ABCB1: variants seen among roughly 807,000 people sequenced by gnomAD.
ABCB1 encodes the protein ATP-dependent translocase ABCB1.
In ABCB1, 69 loss-of-function variants were observed where a neutral mutation model predicts 142.0. The ratio of observed to expected loss-of-function variants is 0.49; its 90% CI spans 0.40 to 0.59. ABCB1 has a LOEUF of 0.59. Ranked by LOEUF, ABCB1 falls within the 20% of genes least tolerant of loss-of-function variation. The pLI is 0.00. For missense variants in ABCB1, 1,326 were observed against 1,554.7 expected (o/e 0.85, Z 2.47); for synonymous variants, 532 against 539.2 (o/e 0.99, Z 0.18).
intron 2 of ABCB1, among the ~76,000 whole-genome samples, chr7:87,598,231 T>C (rs1394555429): frequency 2.0e-5 from 3 of 152,228 alleles, no homozygotes; most frequent in Admixed American, 2.0e-4. Flanking sequence ...TATTTTCATT[T>C]TTTACTGTTG....
intron 1 of ABCB1, chr7:87,629,108 G>A (rs1196895087): frequency 1.7e-6 from 1 of 595,958 alleles, no homozygotes; most frequent in Non-Finnish European, 2.5e-6. Flanking sequence ...TTGGACAGGG[G>A]CCCGGGTCTG....
At chr7:87,694,172 A>T (rs376297217) in intron 1 of ABCB1, 2 of 361,822 alleles carry the variant, frequency 5.5e-6, no homozygotes, top group East Asian at 1.6e-4. Context: ...GTAAATCCAC[A>T]CAATATAATA....
At chr7:87,573,630 C>T (rs1396006284) in intron 4 of ABCB1, among the ~76,000 whole-genome samples, 1 of 152,134 alleles carries the variant, frequency 6.6e-6, no homozygotes, top group Non-Finnish European at 1.5e-5. Context: ...TGATAACCTT[C>T]AATGACAGTC....
At chr7:87,574,827 A>G (rs1441058640) in intron 4 of ABCB1, among the ~76,000 whole-genome samples, 1 of 152,200 alleles carries the variant, frequency 6.6e-6, no homozygotes, top group Non-Finnish European at 1.5e-5. Flanking sequence ...TAGAAGTATG[A>G]CTATTTACAC....
chr7:87,679,835 A>G (rs1254126712), intron 1 of ABCB1, among the ~76,000 whole-genome samples: 2 of 150,776 alleles, frequency 1.3e-5, no homozygotes, highest in Non-Finnish European at 2.9e-5. Flanking sequence ...GAAATCATAT[A>G]AAGTATGTTC....
intron 18 of ABCB1, among the ~76,000 whole-genome samples, chr7:87,540,269 A>G (rs1816480668): frequency 6.6e-6 from 1 of 152,200 alleles, no homozygotes; most frequent in Admixed American, 6.5e-5. Flanking sequence ...GCACTTGGTC[A>G]CATGATCCTT....
At chr7:87,712,946 T>G (rs1315459643) in intron 1 of ABCB1, among the ~76,000 whole-genome samples, 1 of 152,144 alleles carries the variant, frequency 6.6e-6, no homozygotes, top group Non-Finnish European at 1.5e-5. Context: ...AGTAGGGAGT[T>G]ATTTCAAAGT....
intron 21 of ABCB1, among the ~76,000 whole-genome samples, chr7:87,527,979 G>A (rs546724463): frequency 2.5e-4 from 38 of 152,226 alleles, no homozygotes; most frequent in Admixed American, 7.9e-4. Flanking sequence ...CAATCATGGC[G>A]GAAGATGAAG....
intron 1 of ABCB1, among the ~76,000 whole-genome samples, chr7:87,701,018 A>G (rs561647362): frequency 2.0e-4 from 31 of 152,346 alleles, no homozygotes; most frequent in Middle Eastern, 6.8e-3. Context: ...TGCGGGAAAC[A>G]TTAATTCTTA....
intron 1 of ABCB1, among the ~76,000 whole-genome samples, chr7:87,684,772 AAGAAT>A (rs1161152828): frequency 1.6e-3 from 235 of 150,298 alleles, no homozygotes; most frequent in African/African-American, 5.3e-3. Context: ...AAAAAAAAAA[AAGAAT>A]AGAATAGAAT....
At chr7:87,589,402 TA>T (rs1584905633) in intron 3 of ABCB1, among the ~76,000 whole-genome samples, 1 of 152,258 alleles carries the variant, frequency 6.6e-6, no homozygotes, top group East Asian at 1.9e-4. Flanking sequence ...TTCACTCTCA[TA>T]AAGTCAAAAA....
At chr7:87,637,160 G>C (rs1351360806) in intron 1 of ABCB1, among the ~76,000 whole-genome samples, 1 of 152,112 alleles carries the variant, frequency 6.6e-6, no homozygotes, top group Non-Finnish European at 1.5e-5. Context: ...GATGAGATTT[G>C]GGTGGGGACA....
chr7:87,504,501 C>T (rs764559523), intron 27 of ABCB1, 52 bp from the exon 28 acceptor site: 6 of 1,603,674 alleles, frequency 3.7e-6, no homozygotes, highest in Admixed American at 1.7e-5. Context: ...TTCCCTAATT[C>T]CTCTTCCATA....
intron 25 of ABCB1, among the ~76,000 whole-genome samples, chr7:87,512,802 A>G (rs768811130): frequency 7.2e-5 from 11 of 152,228 alleles, no homozygotes; most frequent in Non-Finnish European, 1.5e-5. Flanking sequence ...GCAAATGCAC[A>G]GGAGAAGATA....
intron 1 of ABCB1, among the ~76,000 whole-genome samples, chr7:87,613,603 A>G (rs1819934544): frequency 6.6e-6 from 1 of 152,212 alleles, no homozygotes; most frequent in South Asian, 2.1e-4. Context: ...ACACAGAAAC[A>G]GAAAACTAAG....
intron 2 of ABCB1, 122 bp from the exon 3 acceptor site, chr7:87,595,936 A>C (rs2235072): frequency 2.7e-6 from 2 of 751,624 alleles, no homozygotes; most frequent in Non-Finnish European, 4.4e-6. Flanking sequence ...TATATTATAC[A>C]GTTAAAAAAC....
rs939118635 is a variant in ABCB1 at position 87,527,474 on chromosome 7, G to A, written c.2685+3820C>T. Among the ~76,000 whole-genome samples the A allele has an allele frequency of 2.0e-5, 3 of 152,056 alleles. 1 individual carries two copies. The highest frequency in any genetic ancestry group is 2.0e-4 in the Admixed American group (3 of 15,246). On this transcript the variant is annotated intron_variant, in intron 21 of 27. Transcript: ENST00000622132. ...TAGATTCATTTATCTTGAAATGGCA[G>A]GCAACTAACTGCAGCTGCAGACCTC...
At chr7:87,528,728 C>T (rs1268665726) in intron 21 of ABCB1, among the ~76,000 whole-genome samples, 1 of 152,116 alleles carries the variant, frequency 6.6e-6, no homozygotes, top group South Asian at 2.1e-4. Context: ...AAATGGTACA[C>T]CATTAACCAA....
chr7:87,535,773 A>G (rs1816261485), intron 20 of ABCB1, among the ~76,000 whole-genome samples: 1 of 152,212 alleles, frequency 6.6e-6, no homozygotes, highest in Admixed American at 6.5e-5. Flanking sequence ...AAAGATAAAG[A>G]TGGATAAGGT....
Sources: gnomAD v4.1 joint callset for allele counts (sites outside exome capture counted in the v4.1 genomes callset) on GRCh38, gnomAD v4.1.1 for gene constraint, MANE v1.5 for transcripts, NCBI Gene and HGNC (gene_info 2026-07-23, HGNC 2026-07-21) for gene names.